The following SCAP variants were observed in gnomAD, a reference collection of about 807,000 sequenced individuals.
The protein encoded by SCAP is SREBF chaperone, also known as sterol regulatory element-binding protein cleavage-activating protein.
In SCAP, 65 loss-of-function variants were observed where a neutral mutation model predicts 123.6. That is an observed-to-expected ratio of 0.53 (90% confidence interval 0.43 to 0.65). The LOEUF (loss-of-function observed/expected upper bound fraction) is 0.65, where lower values mean the gene tolerates loss of function less well. Ranked by LOEUF, SCAP falls within the 30% of genes least tolerant of loss-of-function variation. The probability of loss-of-function intolerance (pLI) is 0.00; values close to 1 mark genes in which losing one functional copy is unlikely to be tolerated. For synonymous variants in SCAP, 740 were observed against 726.3 expected, an observed-to-expected ratio of 1.02 and a Z score of -0.30; for missense variants, 1,398 against 1,712.5, an observed-to-expected ratio of 0.82 and a Z score of 3.24.
In SCAP at chr3:47,419,732, G is replaced by T. The variant is rs369635500; in HGVS notation, c.1564-28C>A. 6.6e-7 allele frequency: 1 copy of T among 1,510,608 alleles called. No individual in the cohort carries two copies. The highest frequency in any genetic ancestry group is 1.4e-5 in the African/African-American group (1 of 71,660). The allele number at this position is 1,510,608 out of a possible 1,614,324, so 93.6% of individuals were successfully genotyped here. A position where few individuals can be genotyped will look rare whatever the true frequency, so the allele number is the denominator to read the frequency against. On this transcript the variant is annotated intron_variant, in intron 12 of 22. Coordinates refer to ENST00000265565, the MANE Select transcript of SCAP (RefSeq NM_012235.4). This position sits in a 1 kb window ranked among gnomAD's most constrained non-coding sequence, Gnocchi z 5.0. ...GCAGTGGGGCAGGGGGTACTCAGTG[G>T]GAGGAATGGGCCCCAACCCCCAGCA...
In SCAP at chr3:47,419,725, C is replaced by T. The variant is rs1403631966; in HGVS notation, c.1564-21G>A. ...CCAGCCTGCAGTGGGGCAGGGGGTA[C>T]TCAGTGGGAGGAATGGGCCCCAACC... is the stretch of plus-strand genomic sequence containing the variant. On this transcript the variant is annotated intron_variant, in intron 12 of 22. Coordinates refer to ENST00000265565, the MANE Select transcript of SCAP (RefSeq NM_012235.4). This position sits in a 1 kb window ranked among gnomAD's most constrained non-coding sequence, Gnocchi z 5.0. 3.3e-6 allele frequency: 5 copies of T among 1,512,336 alleles called. No individual in the cohort carries two copies. Among genetic ancestry groups the T allele is most frequent in the African/African-American group, 2.8e-5 (2 of 71,600 alleles). The allele number at this position is 1,512,336 out of a possible 1,614,324, so 93.7% of individuals were successfully genotyped here.
intron 2 of SCAP, among the ~76,000 whole-genome samples, chr3:47,441,090 C>T (rs1370858776): frequency 1.3e-5 from 2 of 151,868 alleles, no homozygotes; most frequent in East Asian, 1.9e-4. Context: ...TTAGTAGAGA[C>T]GAGGTTTCAC....
intron 3 of SCAP, 124 bp from the exon 4 acceptor site, chr3:47,428,794 T>C (rs2107832083): frequency 9.6e-7 from 1 of 1,038,030 alleles, no homozygotes; most frequent in East Asian, 2.5e-5. Context: ...AACCAATGAC[T>C]AATACAAGTT....
chr3:47,472,449 A>T (rs1396349029), intron 1 of SCAP, among the ~76,000 whole-genome samples: 1 of 39,350 alleles, frequency 2.5e-5, no homozygotes, highest in African/African-American at 6.5e-5. Context: ...TCAAAAAAAA[A>T]AAATAAAATA....
At chr3:47,465,762 C>T (rs1707799537) in intron 1 of SCAP, among the ~76,000 whole-genome samples, 1 of 150,734 alleles carries the variant, frequency 6.6e-6, no homozygotes, top group African/African-American at 2.4e-5. Flanking sequence ...GAGCAAGACT[C>T]CGTCTCAAAA....
Position 47,418,777 on chromosome 3 carries a change from G to A in SCAP, c.2007C>T (p.Gly669=). 1 of 1,565,722 alleles carries A rather than the reference G, an allele frequency of 6.4e-7. No individual in the cohort carries two copies. The highest frequency in any genetic ancestry group is 8.6e-7 in the Non-Finnish European group (1 of 1,160,930). The change falls in exon 14 of 23, where the codon GGC becomes GGT. Residue 669 remains glycine (G), a synonymous_variant. Transcript: ENST00000265565. ...CACTGCGGCCGTCCTGAGGGTGCCG[G>A]CCCTCCAGAGCCTCCCTCGGGTTCA... ...LRLNPREALE[G]RHPQDGRSAW...
At position 47,417,347 on chromosome 3, in the gene SCAP, T is replaced by G; in HGVS notation, c.2927A>C (p.Gln976Pro). 1 of 1,611,332 alleles carries G rather than the reference T, an allele frequency of 6.2e-7. No homozygotes were observed. Among genetic ancestry groups the G allele is most frequent in the Non-Finnish European group, 8.5e-7 (1 of 1,179,458 alleles). ...AEGSIWSLELQGNLIVVGRSS... is the reference protein window; with the variant it reads ...AEGSIWSLELPGNLIVVGRSS... Reference sequence around the variant, plus strand: ...CCGCCCCACCACGATGAGGTTGCCCTGCAGCTCCAAGCTCCAGATGGAACC... The same window carrying G: ...CCGCCCCACCACGATGAGGTTGCCCGGCAGCTCCAAGCTCCAGATGGAACC... Residue 976 changes from glutamine to proline, a missense_variant, in exon 17 of 23, where the codon CAG becomes CCG. By Grantham distance (76) the Gln-to-Pro change is moderately conservative. This residue lies in a region of SCAP where 828 missense variants were observed against 882.5 expected (regional missense o/e 0.94). Coordinates refer to ENST00000265565, the MANE Select transcript of SCAP (RefSeq NM_012235.4).
At chr3:47,446,781 A>T (rs1576294918) in intron 1 of SCAP, among the ~76,000 whole-genome samples, 1 of 151,796 alleles carries the variant, frequency 6.6e-6, no homozygotes, top group East Asian at 1.9e-4. Flanking sequence ...TTACAAAAAA[A>T]AAAACATTAA....
chr3:47,461,335 G>T (rs1184903986), intron 1 of SCAP, among the ~76,000 whole-genome samples: 1 of 152,202 alleles, frequency 6.6e-6, no homozygotes, highest in Non-Finnish European at 1.5e-5. Context: ...AAGGCCTGCT[G>T]TAAGTTTTAA....
chr3:47,429,812 C>T (rs1706288312), intron 3 of SCAP, among the ~76,000 whole-genome samples: 1 of 152,188 alleles, frequency 6.6e-6, no homozygotes, highest in Non-Finnish European at 1.5e-5. Context: ...GCCCGCAAAG[C>T]CTAAATGTTT....
chr3:47,443,227 C>A, intron 1 of SCAP, 136 bp from the exon 2 acceptor site: 24 of 384,858 alleles, frequency 6.2e-5, no homozygotes, highest in East Asian at 1.7e-4. Flanking sequence ...GACCTCAATC[C>A]CAAAATACAC....
chr3:47,462,707 C>T (rs1044249302), intron 1 of SCAP, among the ~76,000 whole-genome samples: 3 of 147,106 alleles, frequency 2.0e-5, no homozygotes, highest in Admixed American at 1.4e-4. Context: ...GAGCCAAGAT[C>T]GCGCCATTGC....
In SCAP at chr3:47,427,458, G is replaced by A. The variant is rs930287265; in HGVS notation, c.620C>T (p.Ala207Val). ...QHEPKTLQTS[A>V]TLKDLLFGVP... is the part of the protein sequence containing the mutation. The stretch of plus-strand genomic sequence containing the variant: ...TGTACTGGGGCTACCTTTGAGTGTG[G>A]CTGAAGTCTGCAGGGTTTTAGGCTC... Residue 207 changes from alanine to valine, a missense_variant, in exon 5 of 23, where the codon GCC (alanine) becomes GTC (valine). By Grantham distance (64) the Ala-to-Val change is moderately conservative. Transcript: ENST00000265565. 1 of 1,614,032 alleles carries A rather than the reference G, an allele frequency of 6.2e-7. No homozygotes were observed. The highest frequency in any genetic ancestry group is 1.3e-5 in the African/African-American group (1 of 74,936).
At chr3:47,467,727 T>A (rs189035955) in intron 1 of SCAP, among the ~76,000 whole-genome samples, 1 of 152,182 alleles carries the variant, frequency 6.6e-6, no homozygotes, top group East Asian at 1.9e-4. Context: ...GAAATCACAA[T>A]GAGATACCAA....
chr3:47,434,580 G>A (rs1445817537), intron 3 of SCAP, among the ~76,000 whole-genome samples: 2 of 152,240 alleles, frequency 1.3e-5, no homozygotes, highest in Admixed American at 6.5e-5. Context: ...GCTCACGCCT[G>A]TAATCCCAGC....
chr3:47,427,670 G>A lies in SCAP; in HGVS notation c.411-3C>T. On this transcript the variant is annotated splice_region_variant and splice_polypyrimidine_tract_variant and intron_variant, in intron 4 of 22. Transcript: ENST00000265565. ...CCTCCAAGCTCCTGATCCCAGAGCTGCACAGGAGACAGGACAAGGCACCTG... is the reference window on the plus strand; with the variant it reads ...CCTCCAAGCTCCTGATCCCAGAGCTACACAGGAGACAGGACAAGGCACCTG... The A allele has an allele frequency of 6.2e-7, 1 of 1,613,174 alleles. No individual in the cohort carries two copies. The highest frequency in any genetic ancestry group is 2.2e-5 in the East Asian group (1 of 44,874).
At chr3:47,428,222 C>G (rs1173929369) in intron 4 of SCAP, among the ~76,000 whole-genome samples, 2 of 152,132 alleles carry the variant, frequency 1.3e-5, no homozygotes, top group African/African-American at 2.4e-5. Context: ...CCATAACCCA[C>G]AGGCAGGAAG....
At chr3:47,438,406 G>C (rs1290738021) in intron 2 of SCAP, among the ~76,000 whole-genome samples, 1 of 107,434 alleles carries the variant, frequency 9.3e-6, no homozygotes, top group Admixed American at 1.2e-4. Context: ...GATGCTCTAA[G>C]TAGGAAGAGA....
intron 4 of SCAP, 107 bp from the exon 5 acceptor site, chr3:47,427,774 C>G: frequency 1.0e-6 from 1 of 1,002,482 alleles, no homozygotes; most frequent in Non-Finnish European, 1.5e-6. Flanking sequence ...CATATTTGCT[C>G]TCTGGTATCG....
Sources: gnomAD v4.1 joint callset for allele counts (sites outside exome capture counted in the v4.1 genomes callset) on GRCh38, gnomAD v4.1.1 for gene constraint, gnomAD v4.1.1 regional missense constraint, Gnocchi (gnomAD v3.1) non-coding constraint, MANE v1.5 for transcripts, NCBI Gene and HGNC (gene_info 2026-07-23, HGNC 2026-07-21) for gene names.